Variants in VWF observed in about 807,000 individuals in gnomAD.
VWF encodes von Willebrand factor.
A neutral mutation model predicts 308.6 loss-of-function variants in VWF; 176 were observed. The observed-to-expected ratio is 0.57, with a 90% CI of 0.50 to 0.65. The LOEUF is 0.65. Among genes scored for constraint, VWF ranks in the 30% least tolerant of loss-of-function variants. The pLI, the probability that VWF is intolerant of heterozygous loss-of-function variation, is 0.00. For missense variants in VWF, 3,146 were observed against 3,648.2 expected, an observed-to-expected ratio of 0.86 and a Z score of 3.55; for synonymous variants, 1,385 against 1,443.4, an observed-to-expected ratio of 0.96 and a Z score of 0.92.
rs747049949 is a variant in VWF, at chr12:6,123,156, G to T, written c.41C>A (p.Ala14Asp). 1.1e-5 allele frequency: 18 copies of T among 1,614,058 alleles called. No homozygotes were observed. The highest frequency in any genetic ancestry group is 1.5e-5 in the Non-Finnish European group (18 of 1,180,048). Reference sequence around the variant, plus strand: ...TTTGTACCTACCTGGCAAAATGAGGGCCAGAGCAAGCAGCACCCCGGCAAA... The same window carrying T: ...TTTGTACCTACCTGGCAAAATGAGGTCCAGAGCAAGCAGCACCCCGGCAAA... ...ARFAGVLLAL[A>D]LILPGTLCAE... The change falls in exon 2 of 52, where the codon GCC becomes GAC. Residue 14 changes from alanine (A) to aspartate (D), a missense_variant. Ala to Asp is a moderately radical substitution (Grantham distance 126). Coordinates refer to ENST00000261405, the MANE Select transcript of VWF (RefSeq NM_000552.5).
intron 22 of VWF, among the ~76,000 whole-genome samples, chr12:6,026,564 A>C (rs1249982562): frequency 6.6e-6 from 1 of 152,224 alleles, no homozygotes; most frequent in Non-Finnish European, 1.5e-5. Context: ...AATCAGGAAG[A>C]TATGTCTCAC....
chr12:6,118,275 A>G (rs760155213), intron 3 of VWF, among the ~76,000 whole-genome samples: 46 of 151,878 alleles, frequency 3.0e-4, no homozygotes, highest in Non-Finnish European at 3.1e-4. Context: ...CAGGGAGTCC[A>G]GAGCAGAGCT....
chr12:6,023,561 C>T (rs1277829195), intron 25 of VWF, 70 bp downstream of exon 25: 2 of 1,597,012 alleles, frequency 1.3e-6, no homozygotes, highest in Non-Finnish European at 1.7e-6. Context: ...CCTGCACTCA[C>T]AAGGTCTTCA....
At chr12:6,074,040 C>G (rs1944812074) in intron 7 of VWF, among the ~76,000 whole-genome samples, 1 of 152,126 alleles carries the variant, frequency 6.6e-6, no homozygotes, top group Non-Finnish European at 1.5e-5. Context: ...TCCTCCCCTT[C>G]ACCTAAAACC....
At chr12:6,009,224 C>T (rs1421317816) in intron 34 of VWF, among the ~76,000 whole-genome samples, 2 of 145,362 alleles carry the variant, frequency 1.4e-5, no homozygotes, top group Non-Finnish European at 3.0e-5. Flanking sequence ...ATTAGGAACT[C>T]ATACAACTCA....
At chr12:6,073,034 T>G (rs1391267666) in intron 8 of VWF, among the ~76,000 whole-genome samples, 3 of 152,202 alleles carry the variant, frequency 2.0e-5, no homozygotes, top group East Asian at 3.9e-4. Context: ...CCCCAGCTAA[T>G]TTTTGTATTT....
intron 6 of VWF, among the ~76,000 whole-genome samples, chr12:6,084,421 C>T (rs1332156772): frequency 2.0e-5 from 3 of 152,242 alleles, no homozygotes; most frequent in African/African-American, 4.8e-5. Context: ...CAGCCATGAC[C>T]TCACCATGCC....
rs776149665 is a variant in VWF, at chr12:5,952,538, G to T, written c.7987-19C>A. 1 of 1,612,250 alleles carries T rather than the reference G, an allele frequency of 6.2e-7. No homozygotes were observed. The highest frequency in any genetic ancestry group is 1.1e-5 in the South Asian group (1 of 90,864). Reference sequence around the variant, plus strand: ...CATCACGCTGGAAGGAAAGAGGAGTGGGTAAAGTCAGAGACAGTGTTTGGT... The same window carrying T: ...CATCACGCTGGAAGGAAAGAGGAGTTGGTAAAGTCAGAGACAGTGTTTGGT... On this transcript the variant is annotated intron_variant, in intron 48 of 51. Coordinates refer to ENST00000261405, the MANE Select transcript of VWF (RefSeq NM_000552.5).
chr12:5,964,274 G>GCATA (rs59202475), intron 47 of VWF, among the ~76,000 whole-genome samples: 3 of 134,702 alleles, frequency 2.2e-5, no homozygotes, highest in African/African-American at 9.3e-5. Flanking sequence ...ATACATACAT[G>GCATA]CATACATACA....
chr12:6,065,416 T>A (rs183832820), intron 10 of VWF, 143 bp from the exon 11 acceptor site: 2 of 1,130,474 alleles, frequency 1.8e-6, no homozygotes, highest in Non-Finnish European at 2.6e-6. Context: ...TAAAAACAAG[T>A]TCTACGAGAA....
At chr12:6,073,803 G>T in intron 7 of VWF, 62 bp from the exon 8 acceptor site, 2 of 1,609,996 alleles carry the variant, frequency 1.2e-6, no homozygotes, top group Non-Finnish European at 1.7e-6. Flanking sequence ...CATCTCACCA[G>T]CCATGCCACA....
At chr12:5,964,863 C>A (rs1943381897) in intron 47 of VWF, among the ~76,000 whole-genome samples, 1 of 152,100 alleles carries the variant, frequency 6.6e-6, no homozygotes, top group Non-Finnish European at 1.5e-5. Flanking sequence ...GGAAAGGAGG[C>A]AGAAAATAAG....
chr12:5,949,009 G>A lies in VWF; in HGVS notation c.*6C>T, dbSNP rs562968145. ...AGCAGCAGGCACCCATGCAGCTGCA[G>A]CAGCCTCACTTGCTGCACTTCCTGG... On this transcript the variant is annotated 3_prime_UTR_variant, in exon 52 of 52. Transcript: ENST00000261405. 1.9e-6 allele frequency: 3 copies of A among 1,611,054 alleles called. No homozygotes were observed. Among genetic ancestry groups the A allele is most frequent in the South Asian group, 1.1e-5 (1 of 90,498 alleles).
chr12:5,953,944 C>A (rs1943221154), intron 47 of VWF: 4 of 269,544 alleles, frequency 1.5e-5, no homozygotes, highest in Non-Finnish European at 2.9e-5. Flanking sequence ...CAAATCTCAT[C>A]TTTCTCTGGT....
chr12:5,960,118 C>A (rs1260132129), intron 47 of VWF, among the ~76,000 whole-genome samples: 2 of 148,868 alleles, frequency 1.3e-5, no homozygotes, highest in African/African-American at 2.4e-5. Context: ...ATAAGAAAAT[C>A]TCTAGCTAGA....
intron 5 of VWF, chr12:6,095,843 C>T: frequency 2.2e-6 from 1 of 456,160 alleles, no homozygotes; most frequent in South Asian, 2.0e-5. Context: ...CCAGTTGTCC[C>T]CCACTCCCCA....
intron 18 of VWF, among the ~76,000 whole-genome samples, chr12:6,040,842 A>G (rs1222611509): frequency 2.0e-5 from 3 of 152,208 alleles, no homozygotes; most frequent in African/African-American, 4.8e-5. Context: ...CAAACCAGAA[A>G]GAGAGGGGTT....
In VWF at chr12:6,013,506, A is replaced by C. The variant is rs755252307; in HGVS notation, c.5595T>G (p.Asn1865Lys). ...CAGAGCACAGTTTGTGGAGGAAGGA[A>C]TTGCCCAAGGTGACCATGGTAGGGA... Reference protein sequence around the residue: ...EDLPTMVTLGNSFLHKLCSGF... With the variant: ...EDLPTMVTLGKSFLHKLCSGF... Residue 1865 changes from asparagine to lysine, a missense_variant, in exon 32 of 52, where the codon AAT (asparagine) becomes AAG (lysine). By Grantham distance (94) the Asn-to-Lys change is moderately conservative. Around this residue, in one of 3 missense-constraint regions of VWF, gnomAD observed 853 missense variants for 1,177.8 expected, o/e 0.72. Coordinates refer to ENST00000261405, the MANE Select transcript of VWF (RefSeq NM_000552.5). The C allele has an allele frequency of 3.1e-6, 5 of 1,614,172 alleles. No homozygotes were observed. The South Asian group carries it at 5.5e-5, about 18-fold the overall frequency.
intron 3 of VWF, among the ~76,000 whole-genome samples, chr12:6,120,759 A>G (rs1041232194): frequency 6.6e-6 from 1 of 152,174 alleles, no homozygotes; most frequent in Admixed American, 6.5e-5. Context: ...GCCCTTCTGC[A>G]GGAATACAGG....
Sources: allele counts gnomAD v4.1 joint callset (sites outside exome capture counted in the v4.1 genomes callset), GRCh38; gene constraint gnomAD v4.1.1; regional missense constraint gnomAD v4.1.1; transcripts MANE v1.5; gene names NCBI Gene and HGNC (gene_info 2026-07-23, HGNC 2026-07-21).